Variants in PPIL6 observed in about 807,000 individuals in gnomAD.
The protein encoded by PPIL6 is peptidylprolyl isomerase like 6.
A neutral mutation model predicts 36.8 loss-of-function variants in PPIL6; 39 were observed. The ratio of observed to expected loss-of-function variants is 1.06; its 90% CI spans 0.82 to 1.38. PPIL6 has a LOEUF of 1.38. PPIL6 is among the 40% of genes most tolerant of loss of function. The probability of loss-of-function intolerance (pLI) is 0.00; values close to 1 mark genes in which losing one functional copy is unlikely to be tolerated. For missense variants in PPIL6, 368 were observed against 379.1 expected (o/e 0.97, Z 0.24); for synonymous variants, 123 against 134.1 (o/e 0.92, Z 0.57).
chr6:109,416,099 C>T (rs1489960396), intron 6 of PPIL6, among the ~76,000 whole-genome samples: 1 of 151,630 alleles, frequency 6.6e-6, no homozygotes, highest in Non-Finnish European at 1.5e-5. Flanking sequence ...CAGTCTGGAT[C>T]ATAAACCCAA....
chr6:109,440,923 G>A (rs889276437), upstream of PPIL6: 2 of 593,864 alleles, frequency 3.4e-6, no homozygotes, highest in African/African-American at 4.0e-5. Context: ...CGGCCCGCCT[G>A]ATTGGGAACA....
chr6:109,409,787 A>G (rs1772943476), intron 6 of PPIL6, among the ~76,000 whole-genome samples: 1 of 152,234 alleles, frequency 6.6e-6, no homozygotes, highest in Non-Finnish European at 1.5e-5. Context: ...TTACAAATAA[A>G]ACTAAATTAA....
chr6:109,429,720 T>C (rs985126656), intron 3 of PPIL6, among the ~76,000 whole-genome samples: 1 of 152,250 alleles, frequency 6.6e-6, no homozygotes, highest in Non-Finnish European at 1.5e-5. Context: ...GGCAGTTCCC[T>C]GGCAGCACAT....
rs1391868460 is a variant in PPIL6 at position 109,413,223 on chromosome 6, A to G, written c.688+5964T>C. Among the ~76,000 whole-genome samples the G allele has an allele frequency of 1.3e-5, 2 of 152,186 alleles. No homozygotes were observed. The highest frequency in any genetic ancestry group is 2.4e-5 in the African/African-American group (1 of 41,462). On this transcript the variant is annotated intron_variant, in intron 6 of 7. Coordinates refer to ENST00000521072, the MANE Select transcript of PPIL6 (RefSeq NM_173672.5). This position sits in a 1 kb window ranked among gnomAD's most constrained non-coding sequence, Gnocchi z 4.6. ...TTGCAAACTACCCATCTGACGAGGG[A>G]TTAATAACCAGAATATATAAGGAGC...
intron 2 of PPIL6, among the ~76,000 whole-genome samples, chr6:109,432,958 C>A (rs543114331): frequency 6.6e-6 from 1 of 152,106 alleles, no homozygotes; most frequent in Non-Finnish European, 1.5e-5. Flanking sequence ...AAGAGACTTG[C>A]TTATGCTGAG....
intron 5 of PPIL6, among the ~76,000 whole-genome samples, chr6:109,423,555 A>C (rs1773661869): frequency 1.3e-5 from 2 of 152,188 alleles, no homozygotes; most frequent in East Asian, 3.8e-4. Flanking sequence ...CTATTGAAAA[A>C]TGAATCTTTG....
At chr6:109,420,578 AC>A (rs1773493322) in intron 5 of PPIL6, among the ~76,000 whole-genome samples, 1 of 152,164 alleles carries the variant, frequency 6.6e-6, no homozygotes, top group African/African-American at 2.4e-5. Context: ...TTATCTATCC[AC>A]AGCTAAAAGA....
chr6:109,429,087 G>A (rs976367601), intron 3 of PPIL6, among the ~76,000 whole-genome samples: 10 of 152,236 alleles, frequency 6.6e-5, no homozygotes, highest in Admixed American at 3.9e-4. Flanking sequence ...GGTTCTAACC[G>A]GAAGTAAACA....
chr6:109,421,051 T>C (rs1014793617), intron 5 of PPIL6, among the ~76,000 whole-genome samples: 1 of 152,154 alleles, frequency 6.6e-6, no homozygotes, highest in African/African-American at 2.4e-5. Flanking sequence ...TCCCTTCAGA[T>C]CCTAGGGGTT....
At chr6:109,410,591 C>T (rs544200810) in intron 6 of PPIL6, among the ~76,000 whole-genome samples, 1 of 152,258 alleles carries the variant, frequency 6.6e-6, no homozygotes, top group Admixed American at 6.5e-5. Context: ...TCCACTTGAA[C>T]CCCCTGCCAA....
rs190977496 is a variant in PPIL6, at chr6:109,431,172, G to C, written c.405C>G (p.Phe135Leu). The C allele has an allele frequency of 1.2e-6, 2 of 1,608,874 alleles. No individual in the cohort carries two copies. The highest frequency in any genetic ancestry group is 2.2e-5 in the East Asian group (1 of 44,828). ...TATAACTTGCCTTGGTGTCTCTTAA[G>C]AACTTAGCGGAAAAATCCTCAGTGA... is the stretch of plus-strand genomic sequence containing the variant. ...DALTEDFSAK[F>L]LRDTKHDFVF... Residue 135 changes from phenylalanine (F) to leucine (L), a missense_variant, in exon 3 of 8, where the codon TTC (phenylalanine) becomes TTG (leucine). Transcript: ENST00000521072.
intron 7 of PPIL6, among the ~76,000 whole-genome samples, chr6:109,395,607 C>CT (rs765163208): frequency 0.083 from 9,199 of 111,090 alleles, 421 homozygotes; most frequent in South Asian, 0.16. Context: ...ACTCTAACTT[C>CT]TTTTTTTTTT....
intron 6 of PPIL6, among the ~76,000 whole-genome samples, chr6:109,407,820 C>T (rs1174443144): frequency 6.6e-6 from 1 of 152,036 alleles, no homozygotes; most frequent in Non-Finnish European, 1.5e-5. Context: ...AGCATATCAT[C>T]ATACAGCATA....
At chr6:109,402,035 G>A (rs888278254) in intron 6 of PPIL6, among the ~76,000 whole-genome samples, 5 of 152,050 alleles carry the variant, frequency 3.3e-5, no homozygotes, top group African/African-American at 1.2e-4. Context: ...GATTCAGAGA[G>A]TTTTAACAGA....
rs139534287 is a variant in PPIL6, at chr6:109,422,334, C to G, written c.632-3091G>C. ...ACAGGCTAAGACCCATGCCTATATT[C>G]CTAACACTTTGGTGGGGCTGAGGCA... On this transcript the variant is annotated intron_variant, in intron 5 of 7. Coordinates refer to ENST00000521072, the MANE Select transcript of PPIL6 (RefSeq NM_173672.5). Among the ~76,000 whole-genome samples, 579 of 152,146 alleles carry G rather than the reference C, an allele frequency of 3.8e-3. 4 individuals carry two copies. Among genetic ancestry groups the G allele is most frequent in the African/African-American group, 0.014 (565 of 41,498 alleles).
At chr6:109,418,739 A>G (rs1024581338) in intron 6 of PPIL6, among the ~76,000 whole-genome samples, 2 of 151,826 alleles carry the variant, frequency 1.3e-5, no homozygotes, top group African/African-American at 4.8e-5. Context: ...ATGGAGTTTC[A>G]CCATATTAGC....
intron 7 of PPIL6, 57 bp downstream of exon 7, chr6:109,399,978 T>C: frequency 6.9e-7 from 1 of 1,442,368 alleles, no homozygotes; most frequent in East Asian, 2.3e-5. Context: ...CCAAATATTT[T>C]TAAATGACAT....
chr6:109,403,665 A>G (rs986668456), intron 6 of PPIL6, among the ~76,000 whole-genome samples: 1 of 152,228 alleles, frequency 6.6e-6, no homozygotes, highest in African/African-American at 2.4e-5. Context: ...GGACTTTAAA[A>G]GTTGTGATTC....
intron 6 of PPIL6, among the ~76,000 whole-genome samples, chr6:109,400,450 T>A (rs1051031065): frequency 6.6e-6 from 1 of 152,196 alleles, no homozygotes; most frequent in African/African-American, 2.4e-5. Context: ...TACAAGGAAA[T>A]ATATACAGTA....
Sources: gnomAD v4.1 joint callset for allele counts (sites outside exome capture counted in the v4.1 genomes callset) on GRCh38, gnomAD v4.1.1 for gene constraint, Gnocchi (gnomAD v3.1) non-coding constraint, MANE v1.5 for transcripts, NCBI Gene and HGNC (gene_info 2026-07-23, HGNC 2026-07-21) for gene names.